FUT9: variants seen among roughly 807,000 people sequenced by gnomAD.
The protein encoded by FUT9 is fucosyltransferase 9.
In FUT9, 15 loss-of-function variants were observed where a neutral mutation model predicts 29.7. The observed-to-expected ratio is 0.51, with a 90% confidence interval of 0.34 to 0.78. FUT9 has a LOEUF of 0.78. Among genes scored for constraint, FUT9 ranks in the 30% least tolerant of loss-of-function variants. The pLI, the probability that FUT9 is intolerant of heterozygous loss-of-function variation, is 0.01. For synonymous variants in FUT9, 169 were observed against 153.7 expected (o/e 1.10, Z -0.74); for missense variants, 319 against 425.4 (o/e 0.75, Z 2.20).
intron 1 of FUT9, among the ~76,000 whole-genome samples, chr6:96,047,462 C>T (rs1770583771): frequency 6.6e-6 from 1 of 152,138 alleles, no homozygotes; most frequent in Non-Finnish European, 1.5e-5. Flanking sequence ...CTTGAGATTG[C>T]TAACAAATTA....
chr6:96,214,988 G>C lies in FUT9; in HGVS notation c.*10753G>C, dbSNP rs190677682. On this transcript the variant is annotated 3_prime_UTR_variant, in exon 3 of 3. Coordinates refer to ENST00000302103, the MANE Select transcript of FUT9 (RefSeq NM_006581.4). ...CTGGGAGCAAAGCATTAATTCAAAT[G>C]AGGAGTAGTCAGTCCTAGCACTGTA... The C allele has an allele frequency of 4.9e-4, 82 of 167,116 alleles. No individual in the cohort carries two copies. The highest frequency in any genetic ancestry group is 1.9e-3 in the African/African-American group (78 of 41,554). 10.4% of individuals were successfully genotyped at this position (167,116 alleles called of 1,614,324 possible).
At chr6:96,114,438 G>T (rs1771872787) in intron 2 of FUT9, among the ~76,000 whole-genome samples, 1 of 150,880 alleles carries the variant, frequency 6.6e-6, no homozygotes, top group African/African-American at 2.4e-5. Context: ...TTGTTTCCTA[G>T]AAAAAAGTAA....
At chr6:96,042,969 G>A (rs923109555) in intron 1 of FUT9, among the ~76,000 whole-genome samples, 10 of 152,160 alleles carry the variant, frequency 6.6e-5, no homozygotes, top group African/African-American at 2.2e-4. Flanking sequence ...TGGGTTTCTT[G>A]ACTAAATTTT....
chr6:96,099,004 T>C (rs1431315961), intron 1 of FUT9, among the ~76,000 whole-genome samples: 1 of 152,160 alleles, frequency 6.6e-6, no homozygotes, highest in Admixed American at 6.5e-5. Context: ...TCTTCTCAAG[T>C]ACTGTGAAGT....
chr6:96,067,686 CTTGGAAGTATAGAATTGTGG>C (rs1377505590), intron 1 of FUT9, among the ~76,000 whole-genome samples: 22 of 152,050 alleles, frequency 1.4e-4, no homozygotes, highest in African/African-American at 5.1e-4. Flanking sequence ...TAGCTTTTAG[CTTGGAAGTATAGAATTGTGG>C]TTGGAAGTAT....
intron 2 of FUT9, among the ~76,000 whole-genome samples, chr6:96,181,504 T>A (rs1421217425): frequency 6.6e-6 from 1 of 151,938 alleles, no homozygotes; most frequent in East Asian, 1.9e-4. Context: ...AGTAAGTTAT[T>A]TAGTGATGAT....
intron 2 of FUT9, among the ~76,000 whole-genome samples, chr6:96,164,338 A>G (rs1333909533): frequency 1.4e-5 from 2 of 141,260 alleles, no homozygotes; most frequent in East Asian, 4.2e-4. Flanking sequence ...AGCTCACTGC[A>G]ACCTCCGCCT....
intron 1 of FUT9, among the ~76,000 whole-genome samples, chr6:96,070,331 T>C (rs1771037095): frequency 6.6e-6 from 1 of 152,240 alleles, no homozygotes; most frequent in East Asian, 1.9e-4. Flanking sequence ...TCACAAAATA[T>C]TGGGAACCTT....
At chr6:96,160,238 G>T (rs1234783773) in intron 2 of FUT9, among the ~76,000 whole-genome samples, 1 of 152,142 alleles carries the variant, frequency 6.6e-6, no homozygotes, top group East Asian at 1.9e-4. Context: ...GCCAATGATG[G>T]TATTGTGGCT....
chr6:96,171,631 C>CT (rs1197079702), intron 2 of FUT9, among the ~76,000 whole-genome samples: 1 of 152,124 alleles, frequency 6.6e-6, no homozygotes, highest in Non-Finnish European at 1.5e-5. Context: ...ATGCATGACT[C>CT]TTATTTTTCT....
chr6:96,028,744 TG>T (rs1770210008), intron 1 of FUT9, among the ~76,000 whole-genome samples: 1 of 151,576 alleles, frequency 6.6e-6, no homozygotes, highest in South Asian at 2.1e-4. Flanking sequence ...AGGAGAACTT[TG>T]GAACTTTCAG....
chr6:96,166,491 A>C (rs1052497672), intron 2 of FUT9, among the ~76,000 whole-genome samples: 1 of 152,186 alleles, frequency 6.6e-6, no homozygotes, highest in Non-Finnish European at 1.5e-5. Flanking sequence ...TGTTTTTTAA[A>C]TTGAAGGTTA....
intron 1 of FUT9, among the ~76,000 whole-genome samples, chr6:96,061,207 G>A (rs926575682): frequency 6.7e-6 from 1 of 149,612 alleles, no homozygotes; most frequent in Admixed American, 6.7e-5. Flanking sequence ...TGTCATTGAA[G>A]CAGAGTCTAT....
At chr6:96,135,593 A>G (rs915048391) in intron 2 of FUT9, among the ~76,000 whole-genome samples, 2 of 151,900 alleles carry the variant, frequency 1.3e-5, no homozygotes, top group Non-Finnish European at 2.9e-5. Context: ...TACTGCATAA[A>G]GACATGCACA....
intron 1 of FUT9, among the ~76,000 whole-genome samples, chr6:96,101,156 C>T (rs868608953): frequency 1.9e-4 from 29 of 152,186 alleles, no homozygotes; most frequent in African/African-American, 7.0e-4. Context: ...TCAGTTCATG[C>T]AAATATATAT....
intron 1 of FUT9, among the ~76,000 whole-genome samples, chr6:96,059,041 T>C (rs1173075029): frequency 1.3e-5 from 2 of 152,198 alleles, no homozygotes; most frequent in Non-Finnish European, 1.5e-5. Flanking sequence ...ACATAAAATA[T>C]TAGTTTTTAA....
At chr6:96,162,708 GTCCTTGTTTTGTC>G (rs905500274) in intron 2 of FUT9, among the ~76,000 whole-genome samples, 12 of 152,298 alleles carry the variant, frequency 7.9e-5, no homozygotes, top group Admixed American at 5.2e-4. Flanking sequence ...GTTAACTAGT[GTCCTTGTTTTGTC>G]TCCACTGTTG....
intron 2 of FUT9, among the ~76,000 whole-genome samples, chr6:96,197,230 CTTA>C (rs571076222): frequency 4.9e-4 from 75 of 152,230 alleles, no homozygotes; most frequent in African/African-American, 1.8e-3. Flanking sequence ...GAATCAGGGA[CTTA>C]TTATTACCAG....
intron 2 of FUT9, among the ~76,000 whole-genome samples, chr6:96,124,010 A>G (rs2127966114): frequency 6.6e-6 from 1 of 152,146 alleles, no homozygotes. Flanking sequence ...AGCACATTTT[A>G]TGTAAGTTAG....
Sources: gnomAD v4.1 joint callset for allele counts (sites outside exome capture counted in the v4.1 genomes callset) on GRCh38, gnomAD v4.1.1 for gene constraint, MANE v1.5 for transcripts, NCBI Gene and HGNC (gene_info 2026-07-23, HGNC 2026-07-21) for gene names.